The following PHACTR1 variants were observed in gnomAD, a reference collection of about 807,000 sequenced individuals.
The protein encoded by PHACTR1 is RPEL repeat containing 1.
A neutral mutation model predicts 69.2 loss-of-function variants in PHACTR1; 16 were observed. The ratio of observed to expected loss-of-function variants is 0.23; its 90% confidence interval spans 0.16 to 0.35. The LOEUF (loss-of-function observed/expected upper bound fraction) is 0.35. Among genes scored for constraint, PHACTR1 ranks in the 10% least tolerant of loss-of-function variants. The pLI, the probability that PHACTR1 is intolerant of heterozygous loss-of-function variation, is 1.00. For missense variants in PHACTR1, 510 were observed against 734.7 expected, an observed-to-expected ratio of 0.69 and a Z score of 3.54; for synonymous variants, 312 against 284.5, an observed-to-expected ratio of 1.10 and a Z score of -0.97.
intron 5 of PHACTR1, among the ~76,000 whole-genome samples, chr6:13,099,719 A>T (rs963623239): frequency 1.3e-5 from 2 of 152,242 alleles, no homozygotes; most frequent in African/African-American, 4.8e-5. Flanking sequence ...CAATAAAATG[A>T]CATTAACTTG....
intron 3 of PHACTR1, among the ~76,000 whole-genome samples, chr6:12,721,612 AAG>A (rs1385180687): frequency 6.6e-6 from 1 of 152,134 alleles, no homozygotes; most frequent in Non-Finnish European, 1.5e-5. Context: ...TTTCACTTTA[AAG>A]ATGAGAGTCC....
chr6:13,182,498 A>G (rs568891010), intron 6 of PHACTR1, 21 bp from the exon 7 acceptor site: 5 of 1,612,426 alleles, frequency 3.1e-6, no homozygotes, highest in Middle Eastern at 1.7e-4. Flanking sequence ...TAACTCTGCA[A>G]TCTCCTTTTC....
At chr6:13,033,131 AG>A (rs1207634966) in intron 4 of PHACTR1, among the ~76,000 whole-genome samples, 1 of 152,210 alleles carries the variant, frequency 6.6e-6, no homozygotes, top group African/African-American at 2.4e-5. Flanking sequence ...AGGCAACTCT[AG>A]GAAGAATACG....
At chr6:12,942,445 GTTCT>G (rs1790154585) in intron 4 of PHACTR1, among the ~76,000 whole-genome samples, 1 of 152,168 alleles carries the variant, frequency 6.6e-6, no homozygotes, top group Admixed American at 6.5e-5. Flanking sequence ...GTTAGAGCTA[GTTCT>G]TTCTTTTACA....
chr6:12,752,807 C>G (rs190621894), intron 4 of PHACTR1, among the ~76,000 whole-genome samples: 1,865 of 152,056 alleles, frequency 0.012, 42 homozygotes, highest in African/African-American at 0.043. Flanking sequence ...GCAAGTCAGT[C>G]AAAGAATAGC....
intron 5 of PHACTR1, among the ~76,000 whole-genome samples, chr6:13,079,218 C>T (rs1583264461): frequency 1.3e-5 from 2 of 152,116 alleles, no homozygotes; most frequent in African/African-American, 2.4e-5. Context: ...GAGACACAGG[C>T]CTTACTGCTT....
intron 6 of PHACTR1, among the ~76,000 whole-genome samples, chr6:13,172,486 G>A (rs776159510): frequency 1.3e-5 from 2 of 152,186 alleles, no homozygotes; most frequent in Non-Finnish European, 2.9e-5. Flanking sequence ...GGCAGGGGAA[G>A]CAGCCCAGAC....
chr6:13,182,767 T>G (rs1282652832), intron 7 of PHACTR1, 81 bp downstream of exon 7: 12 of 1,389,042 alleles, frequency 8.6e-6, no homozygotes, highest in African/African-American at 1.5e-5. Context: ...CTGGCTGGAC[T>G]TGGAATTCTA....
intron 7 of PHACTR1, among the ~76,000 whole-genome samples, chr6:13,183,304 C>T (rs1024692886): frequency 6.6e-6 from 1 of 152,088 alleles, no homozygotes; most frequent in Non-Finnish European, 1.5e-5. Context: ...AAAATAGGTC[C>T]CTCCTGACAG....
chr6:13,284,475 C>T (rs932750486), intron 13 of PHACTR1, among the ~76,000 whole-genome samples: 3 of 124,056 alleles, frequency 2.4e-5, no homozygotes, highest in African/African-American at 3.2e-5. Context: ...CAAGGTCACA[C>T]CATTGAATTC....
intron 4 of PHACTR1, among the ~76,000 whole-genome samples, chr6:12,986,215 G>A (rs1023865534): frequency 6.6e-6 from 1 of 152,184 alleles, no homozygotes; most frequent in African/African-American, 2.4e-5. Context: ...TAGAGATTGG[G>A]ATGAGGCATC....
intron 5 of PHACTR1, among the ~76,000 whole-genome samples, chr6:13,089,350 G>T (rs1311414885): frequency 1.3e-5 from 2 of 152,120 alleles, no homozygotes; most frequent in African/African-American, 4.8e-5. Flanking sequence ...AGGCTCTAGG[G>T]GGGTGCACTC....
intron 4 of PHACTR1, among the ~76,000 whole-genome samples, chr6:13,008,858 G>A (rs1799131528): frequency 6.6e-6 from 1 of 152,216 alleles, no homozygotes; most frequent in Non-Finnish European, 1.5e-5. Flanking sequence ...TTTAGGGAGT[G>A]TATTGTTTCC....
At chr6:13,131,177 A>G (rs1820360823) in intron 5 of PHACTR1, among the ~76,000 whole-genome samples, 1 of 20,192 alleles carries the variant, frequency 5.0e-5, no homozygotes, top group Admixed American at 5.9e-4. Context: ...ATGTGTGTAT[A>G]TACACACACA....
intron 4 of PHACTR1, among the ~76,000 whole-genome samples, chr6:12,874,687 T>C (rs1397787915): frequency 6.6e-6 from 1 of 152,200 alleles, no homozygotes; most frequent in Non-Finnish European, 1.5e-5. Flanking sequence ...GGTATCAAAC[T>C]GAAAGAACCT....
intron 4 of PHACTR1, among the ~76,000 whole-genome samples, chr6:13,022,637 C>T (rs1395926698): frequency 6.6e-6 from 1 of 150,378 alleles, no homozygotes; most frequent in South Asian, 2.1e-4. Flanking sequence ...CAGAGACTCT[C>T]GAAGCTTAAG....
chr6:13,021,832 A>C (rs1801018086), intron 4 of PHACTR1, among the ~76,000 whole-genome samples: 1 of 152,244 alleles, frequency 6.6e-6, no homozygotes, highest in African/African-American at 2.4e-5. Flanking sequence ...GACACCTTAC[A>C]TAAATGTATT....
intron 11 of PHACTR1, among the ~76,000 whole-genome samples, chr6:13,276,380 G>C (rs1778914401): frequency 6.6e-6 from 1 of 152,236 alleles, no homozygotes. Context: ...TACACCACTT[G>C]TGCTAGTGGG....
At chr6:12,871,184 A>AG (rs1781988127) in intron 4 of PHACTR1, among the ~76,000 whole-genome samples, 2 of 152,046 alleles carry the variant, frequency 1.3e-5, no homozygotes, top group African/African-American at 4.8e-5. Flanking sequence ...ATTCAAGGAA[A>AG]GGGGGCCAGA....
Sources: gnomAD v4.1 joint callset for allele counts (sites outside exome capture counted in the v4.1 genomes callset) on GRCh38, gnomAD v4.1.1 for gene constraint, MANE v1.5 for transcripts, NCBI Gene and HGNC (gene_info 2026-07-23, HGNC 2026-07-21) for gene names.